The following WBP1L variants were observed in gnomAD, a reference collection of about 807,000 sequenced individuals.
WBP1L encodes the protein WW domain binding protein 1-like.
Under a neutral mutation model 33.7 loss-of-function variants are expected in WBP1L, and 17 were observed. The ratio of observed to expected loss-of-function variants is 0.50; its 90% CI spans 0.34 to 0.76. The LOEUF is 0.76. WBP1L is among the 30% of genes least tolerant of loss of function. The pLI is 0.01. For synonymous variants in WBP1L, 173 were observed against 190.8 expected (o/e 0.91, Z 0.77); for missense variants, 389 against 469.4 (o/e 0.83, Z 1.58).
chr10:102,753,424 G>A (rs945012248), intron 1 of WBP1L, among the ~76,000 whole-genome samples: 5 of 152,168 alleles, frequency 3.3e-5, no homozygotes, highest in African/African-American at 1.2e-4. Flanking sequence ...ATTGCAACCT[G>A]GGAGGTCAAG....
chr10:102,793,295 A>G (rs773267606), intron 1 of WBP1L, among the ~76,000 whole-genome samples: 1 of 152,132 alleles, frequency 6.6e-6, no homozygotes, highest in Non-Finnish European at 1.5e-5. Context: ...GTAAAAATAA[A>G]AAAGCCAGAT....
rs550978697 is a variant in WBP1L at position 102,749,954 on chromosome 10, A to AT, written c.90+5819dup. On this transcript the variant is annotated intron_variant, in intron 1 of 3. Transcript: ENST00000448841. ...ACCATGCCTGGGTAATTTTTTTTGT[A>AT]TTTTTTTTGTAGATACGGGGTTTCA... 4.7e-3 allele frequency among the ~76,000 whole-genome samples: 706 copies of AT among 149,692 alleles called. 10 individuals carry two copies. Among genetic ancestry groups the AT allele is most frequent in the African/African-American group, 0.017 (683 of 40,790 alleles).
At chr10:102,801,115 G>A (rs1169697432) in intron 2 of WBP1L, among the ~76,000 whole-genome samples, 1 of 152,062 alleles carries the variant, frequency 6.6e-6, no homozygotes, top group Non-Finnish European at 1.5e-5. Flanking sequence ...AGCTCTGGCC[G>A]GCAACCTTTC....
intron 1 of WBP1L, among the ~76,000 whole-genome samples, chr10:102,748,775 G>A (rs922974361): frequency 4.6e-5 from 7 of 152,224 alleles, no homozygotes; most frequent in African/African-American, 1.4e-4. Flanking sequence ...TGAAATGGAA[G>A]TACAAACAAA....
At chr10:102,797,741 C>T (rs548865022) in intron 1 of WBP1L, among the ~76,000 whole-genome samples, 29 of 151,800 alleles carry the variant, frequency 1.9e-4, no homozygotes, top group Non-Finnish European at 3.5e-4. Flanking sequence ...TTAGTAGAGA[C>T]GGGATTTCAT....
chr10:102,813,277 C>T lies in WBP1L; in HGVS notation c.1038C>T (p.Asn346=), dbSNP rs932098041. ...LPRPPACLLL[N]TINEQDSPNS... The stretch of plus-strand genomic sequence containing the variant: ...GGCCGCCCGCATGCCTGCTGCTGAA[C>T]ACCATCAACGAGCAGGACTCTCCCA... The change falls in exon 4 of 4, where the codon AAC becomes AAT. Residue 346 remains asparagine (N), a synonymous_variant. Transcript: ENST00000448841. 1.9e-6 allele frequency: 3 copies of T among 1,612,988 alleles called. No homozygotes were observed. Among genetic ancestry groups the T allele is most frequent in the Non-Finnish European group, 2.5e-6 (3 of 1,179,986 alleles).
intron 2 of WBP1L, among the ~76,000 whole-genome samples, chr10:102,799,555 G>C (rs996102671): frequency 6.6e-6 from 1 of 152,266 alleles, no homozygotes; most frequent in East Asian, 1.9e-4. Flanking sequence ...TGTTGGGGGG[G>C]TGGTGCTTAG....
chr10:102,799,204 C>T (rs2482508), intron 2 of WBP1L, among the ~76,000 whole-genome samples: 123,916 of 151,998 alleles, frequency 0.82, 51,326 homozygotes, highest in Middle Eastern at 0.91. Context: ...TGTGTGCCTG[C>T]AGTCCCAGCT....
Position 102,813,432 on chromosome 10 carries a change from C to T in WBP1L, c.*101C>T. 2.1e-6 allele frequency: 3 copies of T among 1,419,942 alleles called. No homozygotes were observed. Among genetic ancestry groups the T allele is most frequent in the African/African-American group, 1.4e-5 (1 of 70,020 alleles). 88.0% of individuals were successfully genotyped at this position (1,419,942 alleles called of 1,614,324 possible). A position where few individuals can be genotyped will look rare whatever the true frequency, so the allele number is the denominator to read the frequency against. ...ACTTTCAAAGACTTTCAGAGTACAG[C>T]CACTTGGTTCCTTTTTGTTTGTTTT... On this transcript the variant is annotated 3_prime_UTR_variant, in exon 4 of 4. Coordinates refer to ENST00000448841, the MANE Select transcript of WBP1L (RefSeq NM_001083913.2).
In WBP1L at chr10:102,744,112, G is replaced by T; in HGVS notation, c.59G>T (p.Ser20Ile). 6.4e-7 allele frequency: 1 copy of T among 1,553,060 alleles called. No individual in the cohort carries two copies. Among genetic ancestry groups the T allele is most frequent in the South Asian group, 1.2e-5 (1 of 84,150 alleles). ...CTCCTGCTCCTCCAGGCGCTGCCCA[G>T]CCCCTTGTCAGCCAGGGCTGAACCC... is the stretch of plus-strand genomic sequence containing the variant. ...MALLLLQALP[S>I]PLSARAEPPQ... The change falls in exon 1 of 4, where the codon AGC (serine) becomes ATC (isoleucine). Residue 20 changes from serine (S) to isoleucine (I), a missense_variant. Ser to Ile is a moderately radical substitution (Grantham distance 142). Coordinates refer to ENST00000448841, the MANE Select transcript of WBP1L (RefSeq NM_001083913.2).
intron 1 of WBP1L, among the ~76,000 whole-genome samples, chr10:102,760,372 CTTTCTT>C (rs1473653985): frequency 2.5e-4 from 24 of 96,928 alleles, no homozygotes; most frequent in East Asian, 7.2e-4. Flanking sequence ...TTCTTTCTTT[CTTTCTT>C]TTTTTTTTTT....
intron 1 of WBP1L, among the ~76,000 whole-genome samples, chr10:102,766,607 A>G (rs1372851042): frequency 1.3e-5 from 2 of 151,746 alleles, no homozygotes; most frequent in African/African-American, 2.4e-5. Flanking sequence ...TGGGTGACAG[A>G]GCAAGATCCT....
intron 1 of WBP1L, among the ~76,000 whole-genome samples, chr10:102,783,670 TAGCTGTCAC>T (rs1167312944): frequency 6.6e-6 from 1 of 152,262 alleles, no homozygotes; most frequent in African/African-American, 2.4e-5. Context: ...CAGACATGGT[TAGCTGTCAC>T]AGCTAGGGGA....
At chr10:102,779,554 G>A (rs1489617002) in intron 1 of WBP1L, among the ~76,000 whole-genome samples, 1 of 151,966 alleles carries the variant, frequency 6.6e-6, no homozygotes, top group South Asian at 2.1e-4. Flanking sequence ...CGCTCGCCTC[G>A]GCCTCCCAAA....
intron 1 of WBP1L, among the ~76,000 whole-genome samples, chr10:102,797,116 C>T (rs1347203973): frequency 6.6e-6 from 1 of 152,148 alleles, no homozygotes; most frequent in Admixed American, 6.5e-5. Flanking sequence ...CAGTTCGGCC[C>T]TTTATTGAAA....
At chr10:102,780,090 A>G (rs779567088) in intron 1 of WBP1L, among the ~76,000 whole-genome samples, 1 of 152,230 alleles carries the variant, frequency 6.6e-6, no homozygotes, top group South Asian at 2.1e-4. Context: ...GGAAGACCTC[A>G]GGGCCCTTCT....
chr10:102,753,925 T>C (rs1842947044), intron 1 of WBP1L, among the ~76,000 whole-genome samples: 1 of 152,218 alleles, frequency 6.6e-6, no homozygotes, highest in East Asian at 1.9e-4. Context: ...TTCTTTCAGA[T>C]CAGAGGCATG....
chr10:102,748,898 A>G (rs1057066179), intron 1 of WBP1L, among the ~76,000 whole-genome samples: 3 of 152,268 alleles, frequency 2.0e-5, no homozygotes, highest in Admixed American at 6.5e-5. Context: ...AAGCATGGGT[A>G]GAGTATGGAC....
At chr10:102,779,571 G>A (rs2134044654) in intron 1 of WBP1L, among the ~76,000 whole-genome samples, 1 of 152,172 alleles carries the variant, frequency 6.6e-6, no homozygotes, top group South Asian at 2.1e-4. Flanking sequence ...CAAAGTGCTG[G>A]GATTATAGAC....
Sources: gnomAD v4.1 joint callset for allele counts (sites outside exome capture counted in the v4.1 genomes callset) on GRCh38, gnomAD v4.1.1 for gene constraint, MANE v1.5 for transcripts, NCBI Gene and HGNC (gene_info 2026-07-23, HGNC 2026-07-21) for gene names.